Variants in CRY1 observed in about 807,000 individuals in gnomAD.
CRY1 encodes cryptochrome circadian regulator 1.
In CRY1, 45 loss-of-function variants were observed where a neutral mutation model predicts 76.0. That is an observed-to-expected ratio of 0.59 (90% CI 0.47 to 0.76). The LOEUF is 0.76. CRY1 is among the 30% of genes least tolerant of loss of function. The probability of loss-of-function intolerance (pLI) is 0.00; values close to 1 mark genes in which losing one functional copy is unlikely to be tolerated. For missense variants in CRY1, 587 were observed against 716.4 expected, an observed-to-expected ratio of 0.82 and a Z score of 2.06; for synonymous variants, 248 against 244.0, an observed-to-expected ratio of 1.02 and a Z score of -0.15.
intron 2 of CRY1, among the ~76,000 whole-genome samples, chr12:107,014,403 G>GA (rs1005099874): frequency 3.9e-5 from 6 of 152,002 alleles, no homozygotes; most frequent in East Asian, 3.8e-4. Context: ...CTAGCCCAGG[G>GA]AAAAAAAGCA....
At chr12:106,999,451 C>A in intron 7 of CRY1, 100 bp downstream of exon 7, 1 of 1,125,054 alleles carries the variant, frequency 8.9e-7, no homozygotes, top group Non-Finnish European at 1.2e-6. Context: ...TGAAAAACTA[C>A]ACCATAAATG....
chr12:107,064,615 A>C (rs1953089117), intron 1 of CRY1, among the ~76,000 whole-genome samples: 1 of 150,794 alleles, frequency 6.6e-6, no homozygotes, highest in Non-Finnish European at 1.5e-5. Context: ...CAAAACTGAA[A>C]ATCAAAATAC....
chr12:106,999,514 T>C (rs1952276353), intron 7 of CRY1, 37 bp downstream of exon 7: 1 of 1,533,042 alleles, frequency 6.5e-7, no homozygotes, highest in Admixed American at 2.1e-5. Context: ...AAGGATTCCT[T>C]CAAAATAAGG....
chr12:107,010,050 C>T (rs1424674426), intron 2 of CRY1, among the ~76,000 whole-genome samples: 1 of 151,974 alleles, frequency 6.6e-6, no homozygotes, highest in Non-Finnish European at 1.5e-5. Context: ...ATTACAAATT[C>T]AATTTATTTA....
At chr12:107,047,060 G>A (rs1314763344) in intron 1 of CRY1, among the ~76,000 whole-genome samples, 1 of 152,200 alleles carries the variant, frequency 6.6e-6, no homozygotes, top group African/African-American at 2.4e-5. Flanking sequence ...TCGTTCCACA[G>A]TTGTAGAATA....
chr12:107,053,063 C>A (rs4081670), intron 1 of CRY1, among the ~76,000 whole-genome samples: 105,585 of 151,964 alleles, frequency 0.69, 37,498 homozygotes, highest in East Asian at 0.97. Context: ...AGGCAGAGCC[C>A]ATATAATTTA....
intron 10 of CRY1, among the ~76,000 whole-genome samples, chr12:106,993,694 C>T (rs1287342497): frequency 6.6e-6 from 1 of 152,052 alleles, no homozygotes; most frequent in African/African-American, 2.4e-5. Context: ...CAAGACTGTG[C>T]ACTTACTTTC....
chr12:107,069,743 G>GTA (rs911017445), intron 1 of CRY1, among the ~76,000 whole-genome samples: 13 of 144,348 alleles, frequency 9.0e-5, no homozygotes, highest in African/African-American at 3.0e-4. Flanking sequence ...TATATATTAA[G>GTA]TATATATATA....
At position 106,997,334 on chromosome 12, in the gene CRY1, T is replaced by A; in HGVS notation, c.1545A>T (p.Gly515=). 6.2e-7 allele frequency: 1 copy of A among 1,614,004 alleles called. No individual in the cohort carries two copies. Among genetic ancestry groups the A allele is most frequent in the Non-Finnish European group, 8.5e-7 (1 of 1,179,936 alleles). ...AACCTGGGATATTTTCTGCAGAATA[T>A]CCCATGAAGCCTCCATTCCCATTAG... ...SNPNGNGGFM[G]YSAENIPGCS... The change falls in exon 10 of 13, where the codon GGA becomes GGT. Residue 515 remains glycine (G), a synonymous_variant. Transcript: ENST00000008527.
At position 106,994,049 on chromosome 12, in the gene CRY1, AAAAC is replaced by A. The variant is rs935315067; in HGVS notation, c.1586-1017_1586-1014del. ...TTAAGAATGTTCCACAGTCATTAAA[AAAAC>A]AAACAAAAACAAACAAACAAAAAAC... On this transcript the variant is annotated intron_variant, in intron 10 of 12. Transcript: ENST00000008527. Among the ~76,000 whole-genome samples the A allele has an allele frequency of 2.0e-3, 307 of 151,708 alleles. 1 individual carries two copies. The highest frequency in any genetic ancestry group is 7.1e-3 in the African/African-American group (291 of 41,054).
Position 107,028,793 on chromosome 12 carries a change from A to T in CRY1, c.159-6601T>A, listed in dbSNP as rs535232799. Reference sequence around the variant, plus strand: ...ACTGGCGACTCAAACATCATACACCATGAGTGATATTGCCTTTGGTGATGT... The same window carrying T: ...ACTGGCGACTCAAACATCATACACCTTGAGTGATATTGCCTTTGGTGATGT... On this transcript the variant is annotated intron_variant, in intron 1 of 12. Coordinates refer to ENST00000008527, the MANE Select transcript of CRY1 (RefSeq NM_004075.5). Among the ~76,000 whole-genome samples the T allele has an allele frequency of 3.3e-5, 5 of 152,312 alleles. No individual in the cohort carries two copies. In the South Asian group the frequency reaches 1.0e-3, roughly 32 times the overall value.
chr12:107,021,715 C>T (rs1321059460), intron 2 of CRY1, among the ~76,000 whole-genome samples: 1 of 151,752 alleles, frequency 6.6e-6, no homozygotes, highest in African/African-American at 2.4e-5. Context: ...TATATATACA[C>T]ACACACACAC....
intron 2 of CRY1, among the ~76,000 whole-genome samples, chr12:107,019,658 C>T (rs1049901333): frequency 4.0e-5 from 6 of 151,380 alleles, no homozygotes; most frequent in Non-Finnish European, 8.8e-5. Context: ...GGGCTAGGTG[C>T]TACAGCTTAT....
intron 2 of CRY1, among the ~76,000 whole-genome samples, chr12:107,013,880 C>A (rs962605461): frequency 9.9e-5 from 15 of 152,058 alleles, no homozygotes; most frequent in Non-Finnish European, 1.9e-4. Context: ...TTGAATAAAT[C>A]ATTAAAATTA....
At chr12:107,012,493 C>T (rs1952456407) in intron 2 of CRY1, among the ~76,000 whole-genome samples, 1 of 152,200 alleles carries the variant, frequency 6.6e-6, no homozygotes, top group Non-Finnish European at 1.5e-5. Flanking sequence ...TGCTCACAGA[C>T]AAACGTACTT....
chr12:107,015,069 G>T (rs923474338), intron 2 of CRY1, among the ~76,000 whole-genome samples: 1 of 151,950 alleles, frequency 6.6e-6, no homozygotes, highest in Non-Finnish European at 1.5e-5. Flanking sequence ...GTAGAGACGG[G>T]GTTTCACCAT....
intron 1 of CRY1, among the ~76,000 whole-genome samples, chr12:107,053,005 G>A (rs1952940826): frequency 6.6e-6 from 1 of 152,180 alleles, no homozygotes; most frequent in Admixed American, 6.5e-5. Flanking sequence ...AAATTATTCG[G>A]TAGTTAATGT....
chr12:107,070,971 T>C (rs1953184394), intron 1 of CRY1, among the ~76,000 whole-genome samples: 1 of 151,866 alleles, frequency 6.6e-6, no homozygotes, highest in Admixed American at 6.6e-5. Flanking sequence ...CCCAAAGTGC[T>C]GGGATTACAG....
chr12:107,035,149 C>T (rs1952719992), intron 1 of CRY1, among the ~76,000 whole-genome samples: 2 of 152,176 alleles, frequency 1.3e-5, no homozygotes, highest in Admixed American at 1.3e-4. Context: ...TTTCAAATTT[C>T]TGTCCTTCAA....
Sources: allele counts gnomAD v4.1 joint callset (sites outside exome capture counted in the v4.1 genomes callset), GRCh38; gene constraint gnomAD v4.1.1; transcripts MANE v1.5; gene names NCBI Gene and HGNC (gene_info 2026-07-23, HGNC 2026-07-21).